The following IFT74 variants were observed in gnomAD, a reference collection of about 807,000 sequenced individuals.
IFT74 encodes the protein intraflagellar transport protein 74 homolog.
In IFT74, 92 loss-of-function variants were observed where a neutral mutation model predicts 96.7. That is an observed-to-expected ratio of 0.95 (90% CI 0.80 to 1.13). The LOEUF is 1.13. Ranked by LOEUF, IFT74 falls within the 50% of genes most tolerant of loss-of-function variation. The pLI, the probability that IFT74 is intolerant of heterozygous loss-of-function variation, is 0.00. For missense variants in IFT74, 811 were observed against 698.2 expected (o/e 1.16, Z -1.82); for synonymous variants, 223 against 213.2 (o/e 1.05, Z -0.40).
At position 26,988,704 on chromosome 9, in the gene IFT74, A is replaced by C. The variant is rs1587294877; in HGVS notation, c.501A>C (p.Glu167Asp). The change falls in exon 7 of 20, where the codon GAA becomes GAC. Residue 167 changes from glutamate (E) to aspartate (D), a missense_variant. Coordinates refer to ENST00000380062, the MANE Select transcript of IFT74 (RefSeq NM_025103.4). ...AACTTAATACCAACACTGAAATGGA[A>C]GAAGTAATGAATGATTACAATATGG... ...VDKLNTNTEM[E>D]EVMNDYNMLK... The C allele has an allele frequency of 6.5e-7, 1 of 1,543,810 alleles. No homozygotes were observed. The highest frequency in any genetic ancestry group is 2.3e-5 in the East Asian group (1 of 43,918).
At chr9:27,009,537 T>G (rs1828947290) in intron 9 of IFT74, among the ~76,000 whole-genome samples, 1 of 152,170 alleles carries the variant, frequency 6.6e-6, no homozygotes, top group Non-Finnish European at 1.5e-5. Context: ...GTCTGTAAAT[T>G]AAAAAGTCTG....
Position 27,048,145 on chromosome 9 carries a change from C to T in IFT74, c.1207-3C>T, listed in dbSNP as rs1031267708. ...TTCTATTTTTATTTCTCTGCAAATG[C>T]AGAATATAAATCGTATAGAACAGAT... On this transcript the variant is annotated splice_region_variant and splice_polypyrimidine_tract_variant and intron_variant, in intron 15 of 19. Transcript: ENST00000380062. The T allele has an allele frequency of 5.2e-6, 8 of 1,550,614 alleles. No individual in the cohort carries two copies. In the African/African-American group the frequency reaches 1.1e-4, roughly 21 times the overall value.
At chr9:26,998,781 C>G (rs1355024064) in intron 8 of IFT74, among the ~76,000 whole-genome samples, 1 of 149,832 alleles carries the variant, frequency 6.7e-6, no homozygotes, top group African/African-American at 2.5e-5. Flanking sequence ...GTCAGGAGTT[C>G]AAGACCAGCC....
At chr9:27,059,559 G>A (rs1433711968) in intron 18 of IFT74, among the ~76,000 whole-genome samples, 3 of 152,180 alleles carry the variant, frequency 2.0e-5, no homozygotes, top group African/African-American at 7.2e-5. Context: ...AAGGTTATTA[G>A]AAATTTACTG....
At chr9:27,035,677 C>A (rs1416132797) in intron 13 of IFT74, among the ~76,000 whole-genome samples, 1 of 152,178 alleles carries the variant, frequency 6.6e-6, no homozygotes. Flanking sequence ...ACCAATTATA[C>A]TGTATGATTT....
intron 8 of IFT74, among the ~76,000 whole-genome samples, chr9:27,000,784 A>T (rs1034586086): frequency 1.3e-4 from 20 of 152,174 alleles, no homozygotes; most frequent in African/African-American, 4.8e-4. Context: ...GCACATGTTT[A>T]CCTATGTAAC....
chr9:26,948,454 T>A (rs796901116), intron 1 of IFT74, among the ~76,000 whole-genome samples: 406 of 33,288 alleles, frequency 0.012, 3 homozygotes, highest in South Asian at 0.084. Context: ...CATTATTTTT[T>A]TTTTTTTTTT....
At chr9:26,988,824 C>A in intron 7 of IFT74, 96 bp downstream of exon 7, 2 of 1,126,532 alleles carry the variant, frequency 1.8e-6, no homozygotes, top group Non-Finnish European at 2.4e-6. Flanking sequence ...ACCTTAAGTG[C>A]TATAGAGGTG....
intron 7 of IFT74, 29 bp downstream of exon 7, chr9:26,988,757 C>G: frequency 2.7e-6 from 4 of 1,477,924 alleles, no homozygotes; most frequent in Non-Finnish European, 3.7e-6. Flanking sequence ...GCAAATTGAT[C>G]TATGTAAGTC....
intron 9 of IFT74, among the ~76,000 whole-genome samples, chr9:27,010,720 GGCTTCC>G (rs1829028166): frequency 8.4e-6 from 1 of 119,522 alleles, no homozygotes; most frequent in Non-Finnish European, 1.9e-5. Context: ...CGCCCCCCTC[GGCTTCC>G]CAAAGTGCTG....
At chr9:26,978,706 T>C (rs1827230838) in intron 3 of IFT74, among the ~76,000 whole-genome samples, 1 of 152,178 alleles carries the variant, frequency 6.6e-6, no homozygotes, top group Non-Finnish European at 1.5e-5. Flanking sequence ...TATATTAAAA[T>C]GACACTTAAA....
At chr9:27,031,732 T>TAAATAAAATAAAATAAAATAAAATA (rs199561580) in intron 13 of IFT74, among the ~76,000 whole-genome samples, 26 of 127,944 alleles carry the variant, frequency 2.0e-4, no homozygotes, top group East Asian at 7.0e-4. Context: ...AATAAAATAA[T>TAAATAAAATAAAATAAAATAAAATA]AAATAAAATA....
In IFT74 at chr9:27,029,703, G is replaced by A. The variant is rs149639372; in HGVS notation, c.1054+599G>A. Among the ~76,000 whole-genome samples the A allele has an allele frequency of 2.0e-4, 31 of 152,236 alleles. 1 individual carries two copies. Among genetic ancestry groups the A allele is most frequent in the East Asian group, 1.9e-4 (1 of 5,176 alleles). On this transcript the variant is annotated intron_variant, in intron 13 of 19. Coordinates refer to ENST00000380062, the MANE Select transcript of IFT74 (RefSeq NM_025103.4). ...GCAGAGGTTGCGGTGAGTCAAGATC[G>A]CACCACTGCACTCCATCCTGGGCCA... is the stretch of plus-strand genomic sequence containing the variant.
At chr9:26,983,294 T>C (rs917739575) in intron 4 of IFT74, among the ~76,000 whole-genome samples, 5 of 152,214 alleles carry the variant, frequency 3.3e-5, no homozygotes, top group Non-Finnish European at 7.3e-5. Flanking sequence ...ATATAGTTAT[T>C]CCTAATGATT....
intron 12 of IFT74, among the ~76,000 whole-genome samples, chr9:27,020,254 A>C (rs1042179163): frequency 6.6e-6 from 1 of 152,170 alleles, no homozygotes; most frequent in Non-Finnish European, 1.5e-5. Flanking sequence ...TGCTGATTAC[A>C]ACTTATGAAA....
chr9:26,953,419 A>C (rs1415603155), upstream of IFT74, among the ~76,000 whole-genome samples: 1 of 152,072 alleles, frequency 6.6e-6, no homozygotes, highest in African/African-American at 2.4e-5. Context: ...GGACATCAGC[A>C]TATGTCATTT....
At chr9:26,964,497 G>A (rs931481833) in intron 2 of IFT74, among the ~76,000 whole-genome samples, 30 of 152,028 alleles carry the variant, frequency 2.0e-4, no homozygotes, top group South Asian at 4.2e-4. Flanking sequence ...CCAATTCTGT[G>A]AAGAAAGTCA....
chr9:26,978,402 T>G, intron 3 of IFT74, 139 bp downstream of exon 3: 1 of 782,370 alleles, frequency 1.3e-6, no homozygotes, highest in Non-Finnish European at 2.0e-6. Context: ...ATCAGGATTA[T>G]AGCATGTAAG....
chr9:26,961,106 G>C (rs1171809346), intron 1 of IFT74, among the ~76,000 whole-genome samples: 27 of 143,158 alleles, frequency 1.9e-4, no homozygotes, highest in Non-Finnish European at 3.1e-4. Flanking sequence ...TTTTTTGGGT[G>C]GGGGGATGGA....
Sources: allele counts gnomAD v4.1 joint callset (sites outside exome capture counted in the v4.1 genomes callset), GRCh38; gene constraint gnomAD v4.1.1; transcripts MANE v1.5; gene names NCBI Gene and HGNC (gene_info 2026-07-23, HGNC 2026-07-21).